BPTF: variants seen among roughly 807,000 people sequenced by gnomAD.
BPTF encodes bromodomain PHD finger transcription factor.
In BPTF, 18 loss-of-function variants were observed where a neutral mutation model predicts 292.5. That is an observed-to-expected ratio of 0.06 (90% confidence interval 0.04 to 0.09). BPTF has a LOEUF of 0.09. Ranked by LOEUF, BPTF falls within the 10% of genes least tolerant of loss-of-function variation. The pLI is 1.00. For synonymous variants in BPTF, 1,225 were observed against 1,251.9 expected (o/e 0.98, Z 0.45); for missense variants, 2,726 against 3,498.7 (o/e 0.78, Z 5.57).
At chr17:67,835,571 T>C (rs2057059393) in intron 1 of BPTF, among the ~76,000 whole-genome samples, 1 of 152,190 alleles carries the variant, frequency 6.6e-6, no homozygotes, top group Non-Finnish European at 1.5e-5. Context: ...TTTGGGGTCA[T>C]GTGTGAGATG....
Position 67,975,803 on chromosome 17 carries a change from A to T in BPTF, c.8571A>T (p.Arg2857Ser). 2.5e-6 allele frequency: 4 copies of T among 1,613,990 alleles called. No homozygotes were observed. Among genetic ancestry groups the T allele is most frequent in the Non-Finnish European group, 2.5e-6 (3 of 1,179,972 alleles). ...CCACCATGGAAGAAAGAGTACAAAGACGATATTATGAAAAGCTGACGGAAT... is the reference window on the plus strand; with the variant it reads ...CCACCATGGAAGAAAGAGTACAAAGTCGATATTATGAAAAGCTGACGGAAT... ...DLATMEERVQ[R>S]RYYEKLTEFV... Residue 2857 changes from arginine (R) to serine (S), a missense_variant, in exon 27 of 28, where the codon AGA becomes AGT. By Grantham distance (110) the Arg-to-Ser change is moderately radical. This residue lies in a region of BPTF where 27 missense variants were observed against 66.1 expected (regional missense o/e 0.41). Transcript: ENST00000306378.
chr17:67,919,199 AT>A (rs2063263826), intron 12 of BPTF, among the ~76,000 whole-genome samples: 1 of 145,518 alleles, frequency 6.9e-6, no homozygotes, highest in African/African-American at 2.6e-5. Flanking sequence ...AATAATAATA[AT>A]AATAATAATA....
chr17:67,933,691 TAGG>T (rs1484043064), intron 18 of BPTF, among the ~76,000 whole-genome samples: 51 of 152,338 alleles, frequency 3.3e-4, no homozygotes, highest in Non-Finnish European at 5.0e-4. Context: ...GAGAAATTAA[TAGG>T]AGCATAGTAA....
Position 67,918,729 on chromosome 17 carries a change from A to G in BPTF, c.5319A>G (p.Thr1773=). The G allele has an allele frequency of 1.2e-6, 2 of 1,613,494 alleles. No homozygotes were observed. Among genetic ancestry groups the G allele is most frequent in the Non-Finnish European group, 1.7e-6 (2 of 1,179,540 alleles). Residue 1773 remains threonine, a synonymous_variant, in exon 12 of 28, where the codon ACA becomes ACG. Coordinates refer to ENST00000306378, the MANE Select transcript of BPTF (RefSeq NM_182641.4). ...FGITWRYRLQ[T]VKSLAGVSLM... ...TTCCTTTCAGGTATAGACTTCAGAC[A>G]GTAAAGTCCTTAGCTGGAGTGAGCC... is the stretch of plus-strand genomic sequence containing the variant.
intron 3 of BPTF, among the ~76,000 whole-genome samples, chr17:67,870,945 A>G (rs2059690297): frequency 6.7e-6 from 1 of 150,146 alleles, no homozygotes; most frequent in South Asian, 2.1e-4. Flanking sequence ...AATTTTTTGT[A>G]TTTTTAGTAG....
At chr17:67,897,960 G>C (rs148437340) in intron 7 of BPTF, among the ~76,000 whole-genome samples, 7,332 of 151,946 alleles carry the variant, frequency 0.048, 229 homozygotes, top group South Asian at 0.13. Flanking sequence ...TGAAAATATT[G>C]GTATGCAGAT....
intron 4 of BPTF, chr17:67,875,869 C>T (rs1382111805): frequency 1.3e-6 from 1 of 776,806 alleles, no homozygotes; most frequent in Non-Finnish European, 1.8e-6. Context: ...ACAGTGCCAT[C>T]CCCATTTGCT....
intron 1 of BPTF, among the ~76,000 whole-genome samples, chr17:67,853,460 G>A (rs187080733): frequency 6.6e-6 from 1 of 152,192 alleles, no homozygotes; most frequent in African/African-American, 2.4e-5. Context: ...GGAACTTCGT[G>A]TCTGGTTGTT....
intron 18 of BPTF, among the ~76,000 whole-genome samples, chr17:67,935,173 C>T (rs1375503387): frequency 1.3e-5 from 2 of 152,120 alleles, no homozygotes; most frequent in African/African-American, 2.4e-5. Flanking sequence ...CCTGTAATCC[C>T]AGCACTTTGG....
At chr17:67,932,062 A>G in intron 18 of BPTF, 43 bp downstream of exon 18, 1 of 1,513,124 alleles carries the variant, frequency 6.6e-7, no homozygotes, top group Non-Finnish European at 9.2e-7. Flanking sequence ...CTCAACAGCC[A>G]GTCTAGGAAA....
chr17:67,834,803 G>A (rs1181009345), intron 1 of BPTF, among the ~76,000 whole-genome samples: 1 of 152,158 alleles, frequency 6.6e-6, no homozygotes. Flanking sequence ...AATGCAGTAG[G>A]CAGCACAAGT....
intron 24 of BPTF, chr17:67,960,193 GTA>G (rs1315355196): frequency 1.8e-5 from 4 of 217,790 alleles, no homozygotes; most frequent in African/African-American, 9.3e-5. Context: ...AGAAGGAGGT[GTA>G]TTACTGTTGC....
chr17:67,898,622 C>A (rs1259757387), intron 7 of BPTF, among the ~76,000 whole-genome samples: 2 of 148,662 alleles, frequency 1.3e-5, no homozygotes, highest in African/African-American at 5.0e-5. Context: ...TTTATTCATT[C>A]TTTTTTTAAA....
intron 4 of BPTF, among the ~76,000 whole-genome samples, chr17:67,878,754 A>G (rs968277545): frequency 2.6e-5 from 4 of 150,990 alleles, no homozygotes; most frequent in African/African-American, 9.8e-5. Flanking sequence ...TTCTTTGTTC[A>G]TTTTCTATAA....
At chr17:67,841,705 T>C (rs1381271080) in intron 1 of BPTF, among the ~76,000 whole-genome samples, 2 of 152,122 alleles carry the variant, frequency 1.3e-5, no homozygotes, top group Non-Finnish European at 2.9e-5. Context: ...CCTGGCCATA[T>C]CATTATAATT....
rs766706813 is a variant in BPTF, at chr17:67,928,609, A to G, written c.5998+8A>G. On this transcript the variant is annotated splice_region_variant and intron_variant, in intron 16 of 27. Transcript: ENST00000306378. ...AAGGCCAGTCAAATTCAGGTATGGAACTATCATTAAGTAAAAGATTACTTT... is the reference window on the plus strand; with the variant it reads ...AAGGCCAGTCAAATTCAGGTATGGAGCTATCATTAAGTAAAAGATTACTTT... 4 of 1,596,456 alleles carry G rather than the reference A, an allele frequency of 2.5e-6. No individual in the cohort carries two copies. Among genetic ancestry groups the G allele is most frequent in the Admixed American group, 1.7e-5 (1 of 57,322 alleles).
At position 67,854,809 on chromosome 17, in the gene BPTF, T is replaced by A; in HGVS notation, c.1436+47T>A. On this transcript the variant is annotated intron_variant, in intron 2 of 27. Transcript: ENST00000306378. The surrounding 1 kb of genome is among the most constrained non-coding windows in gnomAD (Gnocchi z 5.6). Reference sequence around the variant, plus strand: ...TTTTTGTATGCATTTAAAATTAGACTAGTTTCCTTCGTGATTGATGTAGCA... The same window carrying A: ...TTTTTGTATGCATTTAAAATTAGACAAGTTTCCTTCGTGATTGATGTAGCA... The A allele has an allele frequency of 7.2e-7, 1 of 1,391,328 alleles. No homozygotes were observed. The highest frequency in any genetic ancestry group is 1.0e-6 in the Non-Finnish European group (1 of 999,878). The allele number at this position is 1,391,328 out of a possible 1,614,324, so 86.2% of individuals were successfully genotyped here.
intron 1 of BPTF, among the ~76,000 whole-genome samples, chr17:67,839,662 A>C (rs1334536743): frequency 6.6e-6 from 1 of 152,202 alleles, no homozygotes; most frequent in South Asian, 2.1e-4. Flanking sequence ...GCAGTCCCTT[A>C]TATGAGTGTA....
chr17:67,843,181 TATCTACATAC>T (rs1056758864), intron 1 of BPTF, among the ~76,000 whole-genome samples: 30 of 130,774 alleles, frequency 2.3e-4, no homozygotes, highest in Admixed American at 3.7e-4. Flanking sequence ...TACATATAGA[TATCTACATAC>T]ATCTACATAC....
Sources: gnomAD v4.1 joint callset for allele counts (sites outside exome capture counted in the v4.1 genomes callset) on GRCh38, gnomAD v4.1.1 for gene constraint, gnomAD v4.1.1 regional missense constraint, Gnocchi (gnomAD v3.1) non-coding constraint, MANE v1.5 for transcripts, NCBI Gene and HGNC (gene_info 2026-07-23, HGNC 2026-07-21) for gene names.